SPATA31G1: variants seen among roughly 807,000 people sequenced by gnomAD.
SPATA31G1 encodes spermatogenesis-associated protein 31G1.
the SPATA31G1 span, chr9:35,042,786 G>A: frequency 1.9e-6 from 3 of 1,544,512 alleles, no homozygotes; most frequent in Non-Finnish European, 2.6e-6. Flanking sequence ...ATATGGAGCA[G>A]ACTGAGTGCC....
At chr9:35,043,899 T>C in the SPATA31G1 span, 2 of 1,614,150 alleles carry the variant, frequency 1.2e-6, no homozygotes, top group African/African-American at 1.3e-5. Flanking sequence ...AGGAAACCTC[T>C]GGGCTTTTGA....
the SPATA31G1 span, chr9:35,044,921 C>T: frequency 6.2e-7 from 1 of 1,614,168 alleles, no homozygotes. Flanking sequence ...CCCCACTCTC[C>T]CAGAGATGGA....
chr9:35,041,785 A>C, the SPATA31G1 span: 2 of 156,490 alleles, frequency 1.3e-5, no homozygotes, highest in African/African-American at 4.8e-5. Flanking sequence ...AGGCAGGAGG[A>C]GCACTTCAGC....
At chr9:35,042,631 G>A in the SPATA31G1 span, 3 of 1,318,990 alleles carry the variant, frequency 2.3e-6, no homozygotes, top group Non-Finnish European at 3.1e-6. Flanking sequence ...TTTGAAGCCA[G>A]GTGAGTGACC....
At chr9:35,042,855 T>C in the SPATA31G1 span, 2 of 1,609,558 alleles carry the variant, frequency 1.2e-6, no homozygotes, top group Non-Finnish European at 8.5e-7. Context: ...TTTATCTACT[T>C]CCCAGGAACT....
the SPATA31G1 span, chr9:35,042,794 G>A: frequency 3.9e-6 from 6 of 1,554,976 alleles, no homozygotes; most frequent in Non-Finnish European, 4.3e-6. Context: ...CAGACTGAGT[G>A]CCTCATAGCA....
chr9:35,045,032 A>G, the SPATA31G1 span: 1 of 1,614,194 alleles, frequency 6.2e-7, no homozygotes, highest in Non-Finnish European at 8.5e-7. Flanking sequence ...CTGCCTCCAG[A>G]GCCCCTGGCC....
chr9:35,044,087 C>A, the SPATA31G1 span: 3 of 1,614,070 alleles, frequency 1.9e-6, no homozygotes, highest in South Asian at 3.3e-5. Flanking sequence ...TAGTAATGGG[C>A]CCCCAGGGAG....
At chr9:35,043,225 TCC>T in the SPATA31G1 span, 1 of 1,614,208 alleles carries the variant, frequency 6.2e-7, no homozygotes, top group South Asian at 1.1e-5. Flanking sequence ...TTCTGGGGTC[TCC>T]CCTCTCTGCA....
chr9:35,042,959 C>T, the SPATA31G1 span: 44 of 1,613,976 alleles, frequency 2.7e-5, no homozygotes, highest in East Asian at 3.1e-4. Context: ...AGGGGGAAGA[C>T]GAGGCATCTC....
At chr9:35,044,237 C>T in the SPATA31G1 span, 25 of 1,614,134 alleles carry the variant, frequency 1.5e-5, no homozygotes, top group African/African-American at 3.1e-4. Flanking sequence ...GGGAATGCCT[C>T]GCTACATCAG....
At chr9:35,041,284 T>C in the SPATA31G1 span, 1 of 213,554 alleles carries the variant, frequency 4.7e-6, no homozygotes, top group South Asian at 4.9e-5. Context: ...TAAATTGATT[T>C]ATTACGGCTA....
chr9:35,043,900 G>C, the SPATA31G1 span: 2 of 1,614,068 alleles, frequency 1.2e-6, no homozygotes, highest in Non-Finnish European at 8.5e-7. Context: ...GGAAACCTCT[G>C]GGCTTTTGAG....
the SPATA31G1 span, chr9:35,045,277 G>A: frequency 6.2e-7 from 1 of 1,614,000 alleles, no homozygotes; most frequent in Non-Finnish European, 8.5e-7. Context: ...GCGGAACAAG[G>A]GTCTCAGAGA....
the SPATA31G1 span, chr9:35,045,508 C>T: frequency 6.2e-7 from 1 of 1,614,118 alleles, no homozygotes; most frequent in African/African-American, 1.3e-5. Context: ...AGAAGAGGGA[C>T]TGCAAGGTTG....
the SPATA31G1 span, chr9:35,043,111 T>C: frequency 1.2e-6 from 2 of 1,614,174 alleles, no homozygotes; most frequent in Non-Finnish European, 1.7e-6. Context: ...ATGCAGCCCG[T>C]GAGCCCTTCC....
chr9:35,043,389 AC>A, the SPATA31G1 span: 7 of 1,614,032 alleles, frequency 4.3e-6, no homozygotes, highest in Non-Finnish European at 5.9e-6. Context: ...CCAGTTTTCT[AC>A]CCATGGGGCC....
At chr9:35,043,707 G>A in the SPATA31G1 span, 3 of 1,614,114 alleles carry the variant, frequency 1.9e-6, no homozygotes, top group African/African-American at 1.3e-5. Flanking sequence ...TAGCCCTGAA[G>A]GAGGACTTGC....
At chr9:35,044,502 T>A in the SPATA31G1 span, 1 of 1,613,854 alleles carries the variant, frequency 6.2e-7, no homozygotes. Context: ...TGATTCTCAG[T>A]CTATTGTAGG....
Sources: allele counts gnomAD v4.1 joint callset, GRCh38; gene constraint gnomAD v4.1.1; transcripts MANE v1.5; gene names NCBI Gene and HGNC (gene_info 2026-07-23, HGNC 2026-07-21).